FBLN7: variants seen among roughly 807,000 people sequenced by gnomAD.
The protein encoded by FBLN7 is fibulin 7.
Under a neutral mutation model 44.0 loss-of-function variants are expected in FBLN7, and 31 were observed. The observed-to-expected ratio is 0.70, with a 90% CI of 0.53 to 0.95. FBLN7 has a LOEUF of 0.95. FBLN7 is among the 40% of genes least tolerant of loss of function. The pLI is 0.00. For synonymous variants in FBLN7, 262 were observed against 253.4 expected (o/e 1.03, Z -0.32); for missense variants, 573 against 618.5 (o/e 0.93, Z 0.78).
chr2:112,175,599 A>G, intron 3 of FBLN7, 115 bp from the exon 4 acceptor site: 1 of 1,364,672 alleles, frequency 7.3e-7, no homozygotes, highest in African/African-American at 1.4e-5. Flanking sequence ...GGTCAGGTAG[A>G]AAGTGGGAGT....
the FBLN7 span, among the ~76,000 whole-genome samples, chr2:112,237,260 G>A: frequency 6.6e-6 from 1 of 152,058 alleles, no homozygotes; most frequent in Non-Finnish European, 1.5e-5. Context: ...CAAGAAAAAA[G>A]CAAGATAATA....
the FBLN7 span, among the ~76,000 whole-genome samples, chr2:112,208,282 T>TC: frequency 6.6e-6 from 1 of 152,108 alleles, no homozygotes; most frequent in Non-Finnish European, 1.5e-5. Context: ...GTGCCTGTAA[T>TC]CCCAGCTACT....
the FBLN7 span, among the ~76,000 whole-genome samples, chr2:112,193,800 T>C: frequency 6.6e-6 from 1 of 152,186 alleles, no homozygotes; most frequent in African/African-American, 2.4e-5. Context: ...TGTAAAGCTT[T>C]GGATGGCCAT....
chr2:112,140,393 G>T (rs1316181016), intron 1 of FBLN7, among the ~76,000 whole-genome samples: 1 of 152,206 alleles, frequency 6.6e-6, no homozygotes, highest in African/African-American at 2.4e-5. Context: ...CAAGGCTGGG[G>T]GACCCGGGCT....
At chr2:112,218,912 G>C in the FBLN7 span, among the ~76,000 whole-genome samples, 1 of 152,156 alleles carries the variant, frequency 6.6e-6, no homozygotes, top group Non-Finnish European at 1.5e-5. Context: ...GGTGAGACTT[G>C]TGTAACAGAA....
downstream of FBLN7, among the ~76,000 whole-genome samples, chr2:112,191,643 A>G (rs971313105): frequency 2.6e-5 from 4 of 151,816 alleles, no homozygotes; most frequent in East Asian, 7.7e-4. Context: ...AGCTAAAATC[A>G]TTTTTTTTCT....
the FBLN7 span, among the ~76,000 whole-genome samples, chr2:112,217,828 A>T: frequency 6.6e-6 from 1 of 152,160 alleles, no homozygotes; most frequent in Non-Finnish European, 1.5e-5. Flanking sequence ...TTTCTGAAAA[A>T]GTTCCTGTCA....
intron 2 of FBLN7, among the ~76,000 whole-genome samples, chr2:112,161,397 A>G (rs116824022): frequency 0.028 from 4,270 of 152,246 alleles, 82 homozygotes; most frequent in Non-Finnish European, 0.036. Context: ...ACAGCTGCAG[A>G]AATAACCACC....
chr2:112,147,405 C>T (rs1429726921), intron 1 of FBLN7, among the ~76,000 whole-genome samples: 3 of 152,224 alleles, frequency 2.0e-5, no homozygotes, highest in African/African-American at 7.2e-5. Flanking sequence ...TTCCATAATC[C>T]ACTACAGAGC....
chr2:112,182,163 G>A lies in FBLN7; in HGVS notation c.670+287G>A. ...TGAGACCCTCCATCCCCTCCGCCCT[G>A]GCTGGAATCACGTCTACGGGTGGCA... On this transcript the variant is annotated intron_variant, in intron 5 of 7. Transcript: ENST00000331203. 6.7e-6 allele frequency: 3 copies of A among 446,680 alleles called. No homozygotes were observed. The East Asian group carries it at 1.3e-4, about 19-fold the overall frequency. 27.7% of individuals were successfully genotyped at this position (446,680 alleles called of 1,614,324 possible). A position where few individuals can be genotyped will look rare whatever the true frequency, so the allele number is the denominator to read the frequency against.
the FBLN7 span, among the ~76,000 whole-genome samples, chr2:112,195,293 G>A: frequency 6.6e-6 from 1 of 152,168 alleles, no homozygotes; most frequent in African/African-American, 2.4e-5. Flanking sequence ...CATTCTTTAG[G>A]GGGAAAGTGT....
chr2:112,164,935 T>C, intron 2 of FBLN7, 66 bp from the exon 3 acceptor site: 1 of 1,551,336 alleles, frequency 6.4e-7, no homozygotes, highest in Non-Finnish European at 8.8e-7. Flanking sequence ...AGTCCTGTAA[T>C]TCAGTAATGT....
the FBLN7 span, among the ~76,000 whole-genome samples, chr2:112,194,759 T>A: frequency 6.6e-6 from 1 of 152,252 alleles, no homozygotes. Flanking sequence ...TTCCCGTCAG[T>A]GGGTTTTATC....
chr2:112,198,073 TCTC>T, the FBLN7 span, among the ~76,000 whole-genome samples: 1 of 152,056 alleles, frequency 6.6e-6, no homozygotes, highest in African/African-American at 2.4e-5. Flanking sequence ...AAAGCCATTC[TCTC>T]CTCAGAATCT....
the FBLN7 span, among the ~76,000 whole-genome samples, chr2:112,204,894 TATAAA>T: frequency 6.6e-6 from 1 of 152,098 alleles, no homozygotes; most frequent in East Asian, 1.9e-4. Flanking sequence ...TGTAAGTAAA[TATAAA>T]AGACAATATA....
the FBLN7 span, among the ~76,000 whole-genome samples, chr2:112,226,353 C>G: frequency 6.6e-6 from 1 of 151,842 alleles, no homozygotes; most frequent in Non-Finnish European, 1.5e-5. Flanking sequence ...CTTTGGGAGG[C>G]TGAGGCGGGC....
At chr2:112,185,467 G>A (rs2104610955) in intron 7 of FBLN7, 128 bp downstream of exon 7, 1 of 1,291,722 alleles carries the variant, frequency 7.7e-7, no homozygotes, top group Non-Finnish European at 1.0e-6. Context: ...GAGGCTGGGA[G>A]GCTGGTGTCT....
At position 112,180,384 on chromosome 2, in the gene FBLN7, A is replaced by G. The variant is rs1402781151; in HGVS notation, c.533-1355A>G. On this transcript the variant is annotated intron_variant, in intron 4 of 7. Transcript: ENST00000331203. ...TGTGGAGAAAAGGAAACCCTTATAC[A>G]CTGTTGGTGGGAGTGTAAATTAGTT... 2.0e-5 allele frequency among the ~76,000 whole-genome samples: 3 copies of G among 152,154 alleles called. No homozygotes were observed. In the South Asian group the frequency reaches 6.2e-4, roughly 32 times the overall value.
chr2:112,165,298 ACAG>A (rs1179918481), intron 3 of FBLN7, 127 bp downstream of exon 3: 12 of 1,210,496 alleles, frequency 9.9e-6, no homozygotes, highest in Non-Finnish European at 1.4e-5. Flanking sequence ...CAACCACAGA[ACAG>A]CAGCCAATGT....
Sources: gnomAD v4.1 joint callset for allele counts (sites outside exome capture counted in the v4.1 genomes callset) on GRCh38, gnomAD v4.1.1 for gene constraint, MANE v1.5 for transcripts, NCBI Gene and HGNC (gene_info 2026-07-23, HGNC 2026-07-21) for gene names.